The following QTMAN variants were observed in gnomAD, a reference collection of about 807,000 sequenced individuals.
QTMAN encodes the protein tRNA-queuosine alpha-mannosyltransferase.
the QTMAN span, among the ~76,000 whole-genome samples, chr2:144,041,298 G>A: frequency 5.3e-5 from 8 of 152,202 alleles, no homozygotes; most frequent in Admixed American, 3.9e-4. Context: ...CTACACAATC[G>A]GGGAAGGAAA....
At chr2:144,032,493 C>T in the QTMAN span, among the ~76,000 whole-genome samples, 4 of 152,176 alleles carry the variant, frequency 2.6e-5, no homozygotes, top group African/African-American at 4.8e-5. Flanking sequence ...GAGCCATGTA[C>T]GTCATGAAAA....
chr2:144,016,578 C>T, the QTMAN span, among the ~76,000 whole-genome samples: 1 of 152,130 alleles, frequency 6.6e-6, no homozygotes, highest in Non-Finnish European at 1.5e-5. Flanking sequence ...ATCAATAAAG[C>T]ATTGATGGAA....
chr2:144,322,612 C>T, the QTMAN span, among the ~76,000 whole-genome samples: 3 of 152,026 alleles, frequency 2.0e-5, no homozygotes, highest in Non-Finnish European at 4.4e-5. Context: ...AAAAAAATGG[C>T]CTCACACAAA....
chr2:144,176,828 G>C, the QTMAN span, among the ~76,000 whole-genome samples: 1 of 152,150 alleles, frequency 6.6e-6, no homozygotes, highest in African/African-American at 2.4e-5. Context: ...GTACTAGTCT[G>C]TTCTCACATT....
the QTMAN span, among the ~76,000 whole-genome samples, chr2:144,056,568 A>G: frequency 1.3e-5 from 2 of 152,318 alleles, no homozygotes; most frequent in Non-Finnish European, 2.9e-5. Context: ...TTTGTTTTGC[A>G]TACTGCGATA....
the QTMAN span, among the ~76,000 whole-genome samples, chr2:144,165,785 T>G: frequency 6.6e-6 from 1 of 152,198 alleles, no homozygotes; most frequent in African/African-American, 2.4e-5. Context: ...CTCCTTTGAC[T>G]CACTCTCCCT....
At chr2:144,094,279 A>G in the QTMAN span, among the ~76,000 whole-genome samples, 1 of 152,210 alleles carries the variant, frequency 6.6e-6, no homozygotes. Flanking sequence ...TCAGTTAACT[A>G]ATTTGGAATT....
chr2:143,964,796 A>T, the QTMAN span, among the ~76,000 whole-genome samples: 1 of 152,162 alleles, frequency 6.6e-6, no homozygotes, highest in African/African-American at 2.4e-5. Flanking sequence ...CTTAACCTCA[A>T]ATTAAAGGTG....
At chr2:143,971,515 G>T in the QTMAN span, among the ~76,000 whole-genome samples, 2 of 151,776 alleles carry the variant, frequency 1.3e-5, no homozygotes, top group Admixed American at 1.3e-4. Flanking sequence ...TAGAATGAGA[G>T]GCTAAAGGAC....
At chr2:144,065,448 T>C in the QTMAN span, among the ~76,000 whole-genome samples, 3 of 152,332 alleles carry the variant, frequency 2.0e-5, no homozygotes, top group African/African-American at 4.8e-5. Context: ...CAACTGCAGA[T>C]ACATGTAGGA....
chr2:144,037,589 C>T, the QTMAN span, among the ~76,000 whole-genome samples: 11 of 152,284 alleles, frequency 7.2e-5, no homozygotes, highest in Admixed American at 3.3e-4. Context: ...AACCTGAGAA[C>T]GCTCTGTTCT....
At chr2:144,027,484 C>G in the QTMAN span, among the ~76,000 whole-genome samples, 21 of 152,192 alleles carry the variant, frequency 1.4e-4, no homozygotes, top group African/African-American at 4.1e-4. Flanking sequence ...ACATGAGAGG[C>G]CCTGGCTCTG....
chr2:144,164,387 G>T, the QTMAN span, among the ~76,000 whole-genome samples: 1 of 152,034 alleles, frequency 6.6e-6, no homozygotes, highest in African/African-American at 2.4e-5. Context: ...AGCATTTTGA[G>T]ACTGTTTACC....
chr2:144,047,834 T>G, the QTMAN span, among the ~76,000 whole-genome samples: 1 of 152,342 alleles, frequency 6.6e-6, no homozygotes, highest in Admixed American at 6.5e-5. Flanking sequence ...TAACCTGATG[T>G]GCCATCAAGA....
the QTMAN span, among the ~76,000 whole-genome samples, chr2:144,291,583 A>G: frequency 2.6e-5 from 4 of 152,178 alleles, no homozygotes; most frequent in Admixed American, 1.3e-4. Flanking sequence ...TCACTTTAAC[A>G]TTATATCACT....
the QTMAN span, among the ~76,000 whole-genome samples, chr2:144,216,180 G>C: frequency 6.6e-6 from 1 of 152,096 alleles, no homozygotes; most frequent in Non-Finnish European, 1.5e-5. Context: ...ATGAACTTTT[G>C]TTAAAATTTC....
At chr2:144,280,639 A>ATGATAGTTGTAAATGTCT in the QTMAN span, among the ~76,000 whole-genome samples, 5 of 152,202 alleles carry the variant, frequency 3.3e-5, no homozygotes, top group South Asian at 6.2e-4. Flanking sequence ...TAAAGTGAAT[A>ATGATAGTTGTAAATGTCT]ACTCTACAAA....
chr2:144,104,592 G>A, the QTMAN span, among the ~76,000 whole-genome samples: 7,072 of 152,250 alleles, frequency 0.046, 290 homozygotes, highest in East Asian at 0.18. Flanking sequence ...GCTTGACAAG[G>A]TAAACAAAGC....
the QTMAN span, among the ~76,000 whole-genome samples, chr2:144,205,105 G>A: frequency 6.6e-6 from 1 of 151,982 alleles, no homozygotes; most frequent in Non-Finnish European, 1.5e-5. Flanking sequence ...TAACAAACCT[G>A]CACATTGTGC....
Sources: gnomAD v4.1 joint callset for allele counts (sites outside exome capture counted in the v4.1 genomes callset) on GRCh38, gnomAD v4.1.1 for gene constraint, MANE v1.5 for transcripts, NCBI Gene and HGNC (gene_info 2026-07-23, HGNC 2026-07-21) for gene names.